WWOX: variants seen among roughly 807,000 people sequenced by gnomAD.
The protein encoded by WWOX is WW domain-containing oxidoreductase.
WWOX carries 69 observed loss-of-function variants against 46.2 expected under a neutral mutation model. The observed-to-expected ratio is 1.49, with a 90% CI of 1.23 to 1.82. WWOX has a LOEUF of 1.82. Ranked by LOEUF, WWOX falls within the 40% of genes most tolerant of loss-of-function variation. The pLI, the probability that WWOX is intolerant of heterozygous loss-of-function variation, is 0.00. For missense variants in WWOX, 919 were observed against 542.6 expected (o/e 1.69, Z -6.89); for synonymous variants, 359 against 202.6 (o/e 1.77, Z -6.56).
intron 6 of WWOX, among the ~76,000 whole-genome samples, chr16:78,424,492 C>T (rs998711580): frequency 3.3e-5 from 5 of 152,168 alleles, no homozygotes; most frequent in Non-Finnish European, 5.9e-5. Flanking sequence ...TTTTGATTTA[C>T]AGACAAAGTG....
chr16:78,569,018 C>G (rs1185671599), intron 8 of WWOX, among the ~76,000 whole-genome samples: 1 of 152,178 alleles, frequency 6.6e-6, no homozygotes, highest in African/African-American at 2.4e-5. Flanking sequence ...AGGCACCACA[C>G]ACGATGAGAT....
At chr16:78,734,281 G>C (rs1040219952) in intron 8 of WWOX, among the ~76,000 whole-genome samples, 12 of 152,056 alleles carry the variant, frequency 7.9e-5, no homozygotes, top group African/African-American at 2.7e-4. Context: ...CCTGAAAAGG[G>C]AGTATTTTTC....
intron 8 of WWOX, among the ~76,000 whole-genome samples, chr16:79,069,322 A>G (rs1425423699): frequency 1.3e-5 from 2 of 152,346 alleles, no homozygotes; most frequent in Non-Finnish European, 2.9e-5. Context: ...AATCACCACC[A>G]AGCCAACATG....
Position 79,192,281 on chromosome 16 carries a change from C to G in WWOX, c.1057-19327C>G, listed in dbSNP as rs1050740067. Among the ~76,000 whole-genome samples, 4 of 152,032 alleles carry G rather than the reference C, an allele frequency of 2.6e-5. No homozygotes were observed. The South Asian group carries it at 8.3e-4, about 31-fold the overall frequency. Reference sequence around the variant, plus strand: ...GAAATGGGGCAGAAAGTGCCCCAAACAGCTGTTATTTTCGCAGTGATTCAT... The same window carrying G: ...GAAATGGGGCAGAAAGTGCCCCAAAGAGCTGTTATTTTCGCAGTGATTCAT... On this transcript the variant is annotated intron_variant, in intron 8 of 8. Coordinates refer to ENST00000566780, the MANE Select transcript of WWOX (RefSeq NM_016373.4).
chr16:78,616,603 C>T (rs2046031318), intron 8 of WWOX, among the ~76,000 whole-genome samples: 3 of 151,504 alleles, frequency 2.0e-5, no homozygotes, highest in Admixed American at 2.0e-4. Flanking sequence ...AACCCTGTCT[C>T]TACTAAAACT....
At chr16:78,361,478 G>A (rs1457557504) in intron 5 of WWOX, among the ~76,000 whole-genome samples, 1 of 152,166 alleles carries the variant, frequency 6.6e-6, no homozygotes. Context: ...ACTTTCTATT[G>A]TTGGATCTTG....
Position 78,630,631 on chromosome 16 carries a change from C to G in WWOX, c.1056+197879C>G, listed in dbSNP as rs143986313. Among the ~76,000 whole-genome samples the G allele has an allele frequency of 8.5e-3, 1,292 of 152,268 alleles. 16 individuals carry two copies. Among genetic ancestry groups the G allele is most frequent in the African/African-American group, 0.028 (1,183 of 41,556 alleles). The stretch of plus-strand genomic sequence containing the variant: ...TTTGGAATCTTGTACCTGGTTTTCT[C>G]CAGACTTCGCCTCATTCACCATTTC... On this transcript the variant is annotated intron_variant, in intron 8 of 8. Transcript: ENST00000566780.
chr16:78,195,967 T>C (rs931919094), intron 5 of WWOX, among the ~76,000 whole-genome samples: 7 of 152,160 alleles, frequency 4.6e-5, no homozygotes, highest in Non-Finnish European at 1.0e-4. Flanking sequence ...AGATGTAAGC[T>C]AAGAAAAGAT....
At chr16:78,853,337 C>G (rs143789793) in intron 8 of WWOX, among the ~76,000 whole-genome samples, 1 of 152,306 alleles carries the variant, frequency 6.6e-6, no homozygotes, top group East Asian at 1.9e-4. Flanking sequence ...TCTTCTGCCT[C>G]AGCCTGCTGG....
Position 79,113,474 on chromosome 16 carries a change from A to T in WWOX, c.1057-98134A>T, listed in dbSNP as rs983610411. Among the ~76,000 whole-genome samples the T allele has an allele frequency of 2.0e-5, 3 of 152,240 alleles. No homozygotes were observed. The South Asian group carries it at 6.2e-4, about 31-fold the overall frequency. On this transcript the variant is annotated intron_variant, in intron 8 of 8. Transcript: ENST00000566780. ...GTCCACACCTTGGTACAACATTTGCAATATTAGGGACATGCTAATACAATT... is the reference window on the plus strand; with the variant it reads ...GTCCACACCTTGGTACAACATTTGCTATATTAGGGACATGCTAATACAATT...
intron 8 of WWOX, among the ~76,000 whole-genome samples, chr16:78,457,418 G>A (rs764256834): frequency 1.1e-4 from 16 of 152,200 alleles, no homozygotes; most frequent in Non-Finnish European, 2.1e-4. Flanking sequence ...ATTGCTTCGT[G>A]TCTTCCACGT....
chr16:78,105,116 T>A (rs1240449238), intron 1 of WWOX, among the ~76,000 whole-genome samples: 1 of 152,144 alleles, frequency 6.6e-6, no homozygotes, highest in Non-Finnish European at 1.5e-5. Flanking sequence ...GGGACTGGGG[T>A]ATTGGCATCT....
At chr16:78,450,278 T>C (rs1173570346) in intron 8 of WWOX, among the ~76,000 whole-genome samples, 5 of 152,192 alleles carry the variant, frequency 3.3e-5, no homozygotes, top group Non-Finnish European at 5.9e-5. Context: ...TGATGGGATC[T>C]CTTGAATCAT....
At chr16:78,392,483 A>G (rs1003988004) in intron 6 of WWOX, among the ~76,000 whole-genome samples, 6 of 152,170 alleles carry the variant, frequency 3.9e-5, no homozygotes, top group African/African-American at 1.4e-4. Flanking sequence ...AAAGTGCACA[A>G]TAAATGTCAT....
At chr16:78,362,808 C>T (rs1459858390) in intron 5 of WWOX, among the ~76,000 whole-genome samples, 1 of 152,194 alleles carries the variant, frequency 6.6e-6, no homozygotes, top group African/African-American at 2.4e-5. Flanking sequence ...CTTCTTTAAT[C>T]ATCTCACAAT....
At chr16:78,267,380 C>G (rs529329102) in intron 5 of WWOX, among the ~76,000 whole-genome samples, 1 of 152,226 alleles carries the variant, frequency 6.6e-6, no homozygotes, top group Non-Finnish European at 1.5e-5. Flanking sequence ...AAAAATGAAT[C>G]ACTCTGACTT....
chr16:79,040,267 C>A (rs2047945235), intron 8 of WWOX, among the ~76,000 whole-genome samples: 1 of 133,358 alleles, frequency 7.5e-6, no homozygotes, highest in South Asian at 2.5e-4. Context: ...TTCATTCTTT[C>A]TGAGTTGATT....
intron 8 of WWOX, among the ~76,000 whole-genome samples, chr16:78,818,980 T>G (rs2051419259): frequency 6.6e-6 from 1 of 152,202 alleles, no homozygotes; most frequent in Non-Finnish European, 1.5e-5. Context: ...ACTTAATCTC[T>G]CTAATCCTCA....
chr16:78,561,064 G>A (rs574631027), intron 8 of WWOX, among the ~76,000 whole-genome samples: 2 of 152,308 alleles, frequency 1.3e-5, no homozygotes, highest in Admixed American at 1.3e-4. Context: ...AGAATCCACT[G>A]CCAAGCTCAT....
Sources: gnomAD v4.1 joint callset for allele counts (sites outside exome capture counted in the v4.1 genomes callset) on GRCh38, gnomAD v4.1.1 for gene constraint, MANE v1.5 for transcripts, NCBI Gene and HGNC (gene_info 2026-07-23, HGNC 2026-07-21) for gene names.